The following ELAVL4 variants were observed in gnomAD, a reference collection of about 807,000 sequenced individuals.
ELAVL4 encodes the protein ELAV-like protein 4.
A neutral mutation model predicts 35.6 loss-of-function variants in ELAVL4; 1 was observed. That is an observed-to-expected ratio of 0.03 (90% CI 0.01 to 0.13). The LOEUF (loss-of-function observed/expected upper bound fraction) is 0.13, where lower values mean the gene tolerates loss of function less well. Among genes scored for constraint, ELAVL4 ranks in the 10% least tolerant of loss-of-function variants. The pLI, the probability that ELAVL4 is intolerant of heterozygous loss-of-function variation, is 1.00. For missense variants in ELAVL4, 267 were observed against 464.9 expected (o/e 0.57, Z 3.91); for synonymous variants, 156 against 171.0 (o/e 0.91, Z 0.69).
At chr1:50,111,259 C>G (rs1445425648) in intron 1 of ELAVL4, among the ~76,000 whole-genome samples, 6 of 150,790 alleles carry the variant, frequency 4.0e-5, no homozygotes, top group Admixed American at 1.3e-4. Flanking sequence ...TCCTTTTTCC[C>G]CCTTTTCCCT....
In ELAVL4 at chr1:50,080,099, A is replaced by G. The variant is rs193298536; in HGVS notation, c.18+31917A>G. On this transcript the variant is annotated intron_variant, in intron 1 of 6. Transcript: ENST00000448907. The stretch of plus-strand genomic sequence containing the variant: ...GAAGCACTTTCTTGACTGTCTATCT[A>G]TCTTCAGACTTTATATTCCATACAG... Among the ~76,000 whole-genome samples, 203 of 152,302 alleles carry G rather than the reference A, an allele frequency of 1.3e-3. 1 individual carries two copies. Among genetic ancestry groups the G allele is most frequent in the Non-Finnish European group, 2.9e-4 (20 of 68,020 alleles).
intron 1 of ELAVL4, among the ~76,000 whole-genome samples, chr1:50,123,987 T>G (rs1669463972): frequency 6.6e-6 from 1 of 152,118 alleles, no homozygotes; most frequent in Non-Finnish European, 1.5e-5. Flanking sequence ...GAGTTTATCT[T>G]TATGCTTGGC....
chr1:50,154,752 T>TTG (rs35896145), intron 2 of ELAVL4, among the ~76,000 whole-genome samples: 37,038 of 147,134 alleles, frequency 0.25, 5,009 homozygotes, highest in Middle Eastern at 0.34. Context: ...TTGTTATATT[T>TTG]TGTGTGTGTG....
intron 4 of ELAVL4, 95 bp from the exon 5 acceptor site, chr1:50,195,466 C>T (rs17106009): frequency 0.028 from 38,758 of 1,394,644 alleles, 684 homozygotes; most frequent in African/African-American, 0.074. Flanking sequence ...GGTGGGCTTA[C>T]TCCTCACACA....
At chr1:50,149,349 G>C (rs1674320972) in intron 2 of ELAVL4, among the ~76,000 whole-genome samples, 1 of 151,312 alleles carries the variant, frequency 6.6e-6, no homozygotes, top group African/African-American at 2.4e-5. Flanking sequence ...ATTGAGCTGA[G>C]ATTGCGCTCC....
Position 50,109,016 on chromosome 1 carries a change from C to CGGGGGCGGG in ELAVL4, c.-174_-173insGGGGGCGGG. The CGGGGGCGGG allele has an allele frequency of 5.5e-6, 5 of 905,754 alleles. No homozygotes were observed. Among genetic ancestry groups the CGGGGGCGGG allele is most frequent in the African/African-American group, 1.9e-5 (1 of 53,752 alleles). The allele number at this position is 905,754 out of a possible 1,614,324, so 56.1% of individuals were successfully genotyped here. On this transcript the variant is annotated 5_prime_UTR_variant, in exon 1 of 7. Transcript: ENST00000371824. ...CTCCTTTTCTTTTTTTTCTTTCTCT[C>CGGGGGCGGG]CCCCGCCCACCCCCCCAAAAATAAT...
intron 1 of ELAVL4, among the ~76,000 whole-genome samples, chr1:50,130,839 G>C (rs755683683): frequency 6.6e-6 from 1 of 152,064 alleles, no homozygotes. Flanking sequence ...GTTTGGGGGA[G>C]GGGCTGCTCC....
chr1:50,134,642 A>C (rs912294876), intron 1 of ELAVL4, among the ~76,000 whole-genome samples: 19 of 152,150 alleles, frequency 1.2e-4, no homozygotes, highest in African/African-American at 4.6e-4. Context: ...GTCTTTTTCA[A>C]ATCTGACTTA....
intron 1 of ELAVL4, among the ~76,000 whole-genome samples, chr1:50,072,091 G>A (rs180983931): frequency 1.3e-5 from 2 of 152,170 alleles, no homozygotes; most frequent in Admixed American, 6.5e-5. Context: ...GCAAAATTTC[G>A]AATTGTCTTC....
At chr1:50,070,844 C>A (rs572365646) in intron 1 of ELAVL4, among the ~76,000 whole-genome samples, 1 of 151,904 alleles carries the variant, frequency 6.6e-6, no homozygotes, top group African/African-American at 2.4e-5. Context: ...TTGGAAATAC[C>A]ACATACTCCA....
upstream of ELAVL4, among the ~76,000 whole-genome samples, chr1:50,099,560 C>CAAAAAAAAAA (rs750905424): frequency 4.8e-4 from 27 of 55,860 alleles, no homozygotes; most frequent in Non-Finnish European, 8.0e-4. Context: ...AACTCCGCCT[C>CAAAAAAAAAA]AAAAAAAAAA....
intron 2 of ELAVL4, among the ~76,000 whole-genome samples, chr1:50,145,846 A>G (rs948160822): frequency 4.6e-5 from 7 of 152,220 alleles, no homozygotes; most frequent in Non-Finnish European, 5.9e-5. Flanking sequence ...AACACCCTAT[A>G]CAACTTCAAT....
intron 1 of ELAVL4, among the ~76,000 whole-genome samples, chr1:50,064,347 T>C (rs1228261030): frequency 2.0e-5 from 3 of 152,178 alleles, no homozygotes; most frequent in African/African-American, 7.2e-5. Flanking sequence ...CCTGCTGACA[T>C]TCTGTATGTA....
At chr1:50,197,111 G>A (rs372236136) in intron 5 of ELAVL4, among the ~76,000 whole-genome samples, 18 of 152,214 alleles carry the variant, frequency 1.2e-4, no homozygotes, top group Admixed American at 2.0e-4. Context: ...AGAAGCCCCC[G>A]CTTTGAACAA....
chr1:50,176,419 CT>C (rs1185353976), intron 2 of ELAVL4, among the ~76,000 whole-genome samples: 1 of 152,206 alleles, frequency 6.6e-6, no homozygotes, highest in African/African-American at 2.4e-5. Flanking sequence ...GTCTTTGCTA[CT>C]CAAGTCTTGC....
intron 1 of ELAVL4, among the ~76,000 whole-genome samples, chr1:50,088,369 ATTC>A (rs1665340762): frequency 6.6e-6 from 1 of 152,180 alleles, no homozygotes; most frequent in East Asian, 1.9e-4. Flanking sequence ...ATGCTGACTT[ATTC>A]ATTAACATTT....
At chr1:50,128,225 G>T (rs1670275460) in intron 1 of ELAVL4, among the ~76,000 whole-genome samples, 1 of 152,132 alleles carries the variant, frequency 6.6e-6, no homozygotes, top group South Asian at 2.1e-4. Flanking sequence ...GAAGGCCCTA[G>T]GTTTTGAAAA....
At chr1:50,135,743 C>G (rs968431039) in intron 1 of ELAVL4, among the ~76,000 whole-genome samples, 1 of 152,102 alleles carries the variant, frequency 6.6e-6, no homozygotes, top group African/African-American at 2.4e-5. Context: ...GCATGTGTTT[C>G]TTGGATGGAA....
rs374067677 is a variant in ELAVL4, at chr1:50,052,388, T to C, written c.18+4206T>C. On this transcript the variant is annotated intron_variant, in intron 1 of 6. Coordinates refer to the ELAVL4 transcript ENST00000448907. ...ATAACTGAAGCTGAGTTAGGGTCAT[T>C]GTCCAAGCTGAGTTTAATCTGTGAT... Among the ~76,000 whole-genome samples, 52 of 152,294 alleles carry C rather than the reference T, an allele frequency of 3.4e-4. 1 individual carries two copies. The South Asian group carries it at 9.5e-3, about 28-fold the overall frequency.
Sources: gnomAD v4.1 joint callset for allele counts (sites outside exome capture counted in the v4.1 genomes callset) on GRCh38, gnomAD v4.1.1 for gene constraint, MANE v1.5 for transcripts, NCBI Gene and HGNC (gene_info 2026-07-23, HGNC 2026-07-21) for gene names.